The following KCNG2 variants were observed in gnomAD, a reference collection of about 807,000 sequenced individuals.
KCNG2 encodes voltage-gated potassium channel regulatory subunit KCNG2.
In KCNG2, 7 loss-of-function variants were observed where a neutral mutation model predicts 12.3. That is an observed-to-expected ratio of 0.57 (90% CI 0.32 to 1.07). The LOEUF is 1.07. Among genes scored for constraint, KCNG2 ranks in the 50% least tolerant of loss-of-function variants. KCNG2 has a pLI of 0.04. For missense variants in KCNG2, 703 were observed against 726.0 expected (o/e 0.97, Z 0.36); for synonymous variants, 414 against 351.4 (o/e 1.18, Z -1.99).
At chr18:79,870,085 G>A (rs1205840778) in intron 3 of KCNG2, among the ~76,000 whole-genome samples, 1 of 152,210 alleles carries the variant, frequency 6.6e-6, no homozygotes, top group East Asian at 1.9e-4. Context: ...TGCCCTCATG[G>A]GACCTCCAGT....
At chr18:79,889,055 T>A (rs1263774688) in intron 3 of KCNG2, among the ~76,000 whole-genome samples, 1 of 152,216 alleles carries the variant, frequency 6.6e-6, no homozygotes, top group Non-Finnish European at 1.5e-5. Flanking sequence ...TGGATGCAAG[T>A]CCCTTATCAA....
At chr18:79,870,195 C>T (rs745456567) in intron 3 of KCNG2, among the ~76,000 whole-genome samples, 12 of 152,370 alleles carry the variant, frequency 7.9e-5, no homozygotes, top group South Asian at 2.1e-4. Flanking sequence ...AAGCCCCCCA[C>T]GTCGAAGGCG....
chr18:79,864,063 G>A lies in KCNG2; in HGVS notation c.396G>A (p.Glu132=). Residue 132 remains glutamate, a synonymous_variant, in exon 3 of 4, where the codon GAG becomes GAA. Transcript: ENST00000316249. ...RLRRREEEAA[E]ARAGPTERGA... Reference sequence around the variant, plus strand: ...GCCGCCGCGAGGAGGAGGCGGCCGAGGCCCGCGCGGGGCCGACGGAGCGCG... The same window carrying A: ...GCCGCCGCGAGGAGGAGGCGGCCGAAGCCCGCGCGGGGCCGACGGAGCGCG... 1 of 1,089,814 alleles carries A rather than the reference G, an allele frequency of 9.2e-7. No individual in the cohort carries two copies. Among genetic ancestry groups the A allele is most frequent in the Non-Finnish European group, 1.1e-6 (1 of 897,676 alleles). 67.5% of individuals were successfully genotyped at this position (1,089,814 alleles called of 1,614,324 possible).
chr18:79,807,224 G>A (rs2087456099), intron 1 of KCNG2, among the ~76,000 whole-genome samples: 1 of 152,164 alleles, frequency 6.6e-6, no homozygotes, highest in African/African-American at 2.4e-5. Flanking sequence ...GGGATACTGG[G>A]AGCTCGTCGC....
intron 1 of KCNG2, among the ~76,000 whole-genome samples, chr18:79,819,519 G>A (rs1000313853): frequency 5.3e-5 from 8 of 152,214 alleles, no homozygotes; most frequent in South Asian, 4.1e-4. Flanking sequence ...CCTTCAGATC[G>A]GGCTGTGTTG....
intron 1 of KCNG2, among the ~76,000 whole-genome samples, chr18:79,808,216 ACT>A (rs1457613681): frequency 1.8e-5 from 1 of 54,502 alleles, no homozygotes; most frequent in Non-Finnish European, 3.3e-5. Context: ...CGCTGACCAC[ACT>A]CCACGTTATG....
At chr18:79,871,610 C>T (rs951760026) in intron 3 of KCNG2, among the ~76,000 whole-genome samples, 101 of 152,216 alleles carry the variant, frequency 6.6e-4, no homozygotes, top group African/African-American at 2.4e-3. Flanking sequence ...GTCGAGTGGG[C>T]GGTGCAGGAC....
chr18:79,857,567 C>T (rs1159615971), intron 2 of KCNG2, among the ~76,000 whole-genome samples: 4 of 152,082 alleles, frequency 2.6e-5, no homozygotes. Flanking sequence ...ACCACGCCCC[C>T]TCTTCTCTGG....
chr18:79,799,439 C>T (rs1444654329), intron 1 of KCNG2, among the ~76,000 whole-genome samples: 1 of 152,134 alleles, frequency 6.6e-6, no homozygotes, highest in Non-Finnish European at 1.5e-5. Flanking sequence ...ATGGGATTGC[C>T]GGGCTTTCTT....
At chr18:79,869,225 CT>C (rs1979731798) in intron 3 of KCNG2, among the ~76,000 whole-genome samples, 1 of 152,126 alleles carries the variant, frequency 6.6e-6, no homozygotes, top group Non-Finnish European at 1.5e-5. Flanking sequence ...CGCGCTGAGT[CT>C]CCTGCCCCTG....
intron 3 of KCNG2, among the ~76,000 whole-genome samples, chr18:79,882,036 T>G (rs750859190): frequency 1.7e-4 from 26 of 151,050 alleles, no homozygotes; most frequent in Admixed American, 6.6e-5. Context: ...CCTTACGTTT[T>G]ATACAAAAAT....
In KCNG2 at chr18:79,865,718, AGAGGTCTGTGTTCT is replaced by A. The variant is rs1568262185; in HGVS notation, c.624+1436_624+1449del. Among the ~76,000 whole-genome samples, 485 of 114,958 alleles carry A rather than the reference AGAGGTCTGTGTTCT, an allele frequency of 4.2e-3. 18 individuals are homozygous for A. Among genetic ancestry groups the A allele is most frequent in the Middle Eastern group, 8.6e-3 (1 of 116 alleles). 75.4% of individuals were successfully genotyped at this position (114,958 alleles called of 152,430 possible). On this transcript the variant is annotated intron_variant, in intron 3 of 3. Transcript: ENST00000316249. ...TCTGGGTGCTGAGGCCTGGGTGCTG[AGAGGTCTGTGTTCT>A]GAGGTCTGGGTGCTGAGGTCTGGGT... is the stretch of plus-strand genomic sequence containing the variant.
chr18:79,864,312 C>T (rs764286936), intron 3 of KCNG2, 21 bp downstream of exon 3: 33 of 1,245,862 alleles, frequency 2.6e-5, no homozygotes, highest in Non-Finnish European at 3.4e-5. Flanking sequence ...CCGGGGGTGG[C>T]GGGGACCGGG....
intron 2 of KCNG2, among the ~76,000 whole-genome samples, chr18:79,860,522 A>G (rs1308661364): frequency 1.3e-5 from 2 of 152,114 alleles, no homozygotes; most frequent in Non-Finnish European, 1.5e-5. Flanking sequence ...ATTTCTAAGT[A>G]TTTTATTCTT....
At chr18:79,894,260 C>T (rs1980860056) in intron 3 of KCNG2, among the ~76,000 whole-genome samples, 1 of 146,140 alleles carries the variant, frequency 6.8e-6, no homozygotes, top group African/African-American at 2.5e-5. Context: ...GCTGGGTCTG[C>T]GTCTCGTTCG....
intron 1 of KCNG2, among the ~76,000 whole-genome samples, chr18:79,852,305 T>C (rs1337921951): frequency 6.6e-6 from 1 of 152,214 alleles, no homozygotes; most frequent in Non-Finnish European, 1.5e-5. Context: ...GCGCCATCTA[T>C]CTCCAGCAGC....
intron 3 of KCNG2, among the ~76,000 whole-genome samples, chr18:79,871,636 C>G (rs576267266): frequency 6.6e-6 from 1 of 152,172 alleles, no homozygotes; most frequent in Non-Finnish European, 1.5e-5. Flanking sequence ...GGTGGCCCCC[C>G]GCGTCTGGGA....
At chr18:79,867,873 G>T (rs550569243) in intron 3 of KCNG2, among the ~76,000 whole-genome samples, 61 of 152,226 alleles carry the variant, frequency 4.0e-4, no homozygotes, top group Non-Finnish European at 5.9e-4. Flanking sequence ...CAGAGCCCCT[G>T]CCTACCTGGG....
Position 79,824,913 on chromosome 18 carries a change from CTTAAG to C in KCNG2, c.-115+26902_-115+26906del, listed in dbSNP as rs527608977. On this transcript the variant is annotated intron_variant, in intron 1 of 3. Coordinates refer to ENST00000316249, the MANE Select transcript of KCNG2 (RefSeq NM_012283.2). Reference sequence around the variant, plus strand: ...ATTGGTATTGATGAGTGATATTGAACTTAAGTTTTCTTTCTTCTTATTATATTTGG... The same window carrying C: ...ATTGGTATTGATGAGTGATATTGAACTTTTCTTTCTTCTTATTATATTTGG... 5.2e-4 allele frequency among the ~76,000 whole-genome samples: 79 copies of C among 152,150 alleles called. 2 individuals carry two copies. Among genetic ancestry groups the C allele is most frequent in the Non-Finnish European group, 1.9e-4 (13 of 68,010 alleles).
Sources: gnomAD v4.1 joint callset for allele counts (sites outside exome capture counted in the v4.1 genomes callset) on GRCh38, gnomAD v4.1.1 for gene constraint, MANE v1.5 for transcripts, NCBI Gene and HGNC (gene_info 2026-07-23, HGNC 2026-07-21) for gene names.